The following NOS1 variants were observed in gnomAD, a reference collection of about 807,000 sequenced individuals.
NOS1 encodes NOS type I.
A neutral mutation model predicts 164.5 loss-of-function variants in NOS1; 51 were observed. That is an observed-to-expected ratio of 0.31 (90% confidence interval 0.25 to 0.39). NOS1 has a LOEUF of 0.39. Among genes scored for constraint, NOS1 ranks in the 10% least tolerant of loss-of-function variants. NOS1 has a pLI of 1.00. For synonymous variants in NOS1, 719 were observed against 745.8 expected, an observed-to-expected ratio of 0.96 and a Z score of 0.59; for missense variants, 1,362 against 1,885.6, an observed-to-expected ratio of 0.72 and a Z score of 5.14.
intron 21 of NOS1, among the ~76,000 whole-genome samples, chr12:117,233,808 CAAAAAAAAAAAA>C (rs374050465): frequency 1.8e-5 from 1 of 57,088 alleles, no homozygotes; most frequent in African/African-American, 6.4e-5. Context: ...AAGTCTGTCT[CAAAAAAAAAAAA>C]AAAAAAAAAA....
At chr12:117,261,835 T>C (rs943821854) in intron 13 of NOS1, among the ~76,000 whole-genome samples, 10 of 152,174 alleles carry the variant, frequency 6.6e-5, no homozygotes, top group African/African-American at 2.4e-4. Context: ...ATGCTGCCAC[T>C]GAGACCCTGG....
intron 12 of NOS1, among the ~76,000 whole-genome samples, chr12:117,264,594 T>TTCCC (rs1469882221): frequency 8.0e-6 from 1 of 124,764 alleles, no homozygotes; most frequent in Non-Finnish European, 1.7e-5. Flanking sequence ...TTTTCCTTCC[T>TTCCC]TCCCTCCCTC....
At chr12:117,329,406 A>G (rs561087415) in intron 2 of NOS1, among the ~76,000 whole-genome samples, 4 of 152,182 alleles carry the variant, frequency 2.6e-5, no homozygotes, top group Non-Finnish European at 5.9e-5. Flanking sequence ...TCTTGGGGAA[A>G]GGGTTGGGAA....
At chr12:117,251,166 G>A (rs570780028) in intron 17 of NOS1, among the ~76,000 whole-genome samples, 86 of 152,254 alleles carry the variant, frequency 5.6e-4, no homozygotes, top group African/African-American at 1.4e-3. Context: ...GGAAGGCACC[G>A]TCTATGAGCC....
chr12:117,287,685 C>T lies in NOS1; in HGVS notation c.1127+389G>A, dbSNP rs7137324. ...AATTCTTGGGCTCAAGCAATCTGCCCGCCTCAGTCTCCCAAAGTGCTGGGA... is the reference window on the plus strand; with the variant it reads ...AATTCTTGGGCTCAAGCAATCTGCCTGCCTCAGTCTCCCAAAGTGCTGGGA... On this transcript the variant is annotated intron_variant, in intron 5 of 28. Transcript: ENST00000317775. 3.3e-3 allele frequency among the ~76,000 whole-genome samples: 510 copies of T among 152,288 alleles called. 1 individual carries two copies. Among genetic ancestry groups the T allele is most frequent in the African/African-American group, 0.012 (483 of 41,564 alleles).
At chr12:117,331,995 T>C (rs1875572704) in intron 1 of NOS1, among the ~76,000 whole-genome samples, 1 of 152,210 alleles carries the variant, frequency 6.6e-6, no homozygotes, top group Admixed American at 6.5e-5. Context: ...TGATGACGAA[T>C]GTCAGTTGGC....
intron 20 of NOS1, among the ~76,000 whole-genome samples, 191 bp downstream of exon 20, chr12:117,242,436 C>T (rs1424170898): frequency 6.6e-6 from 1 of 152,120 alleles, no homozygotes. Context: ...CTCCTTTTTC[C>T]ACTCCTTCAG....
chr12:117,250,071 T>C (rs562210287), intron 17 of NOS1, among the ~76,000 whole-genome samples: 2 of 151,966 alleles, frequency 1.3e-5, no homozygotes, highest in South Asian at 2.1e-4. Flanking sequence ...GGGGACAAAA[T>C]GGTAACAGAT....
At chr12:117,248,320 A>G (rs1018997500) in intron 17 of NOS1, among the ~76,000 whole-genome samples, 1 of 151,652 alleles carries the variant, frequency 6.6e-6, no homozygotes, top group Non-Finnish European at 1.5e-5. Context: ...AGCATTAGGT[A>G]TATCTCCCAA....
chr12:117,322,370 C>T (rs1174461043), intron 2 of NOS1, among the ~76,000 whole-genome samples: 1 of 136,596 alleles, frequency 7.3e-6, no homozygotes, highest in African/African-American at 2.7e-5. Flanking sequence ...TCTGTCCCTC[C>T]TCCCCTCCCT....
Position 117,234,853 on chromosome 12 carries a change from C to T in NOS1, c.3042-95G>A. The T allele has an allele frequency of 6.7e-6, 7 of 1,049,140 alleles. No homozygotes were observed. The South Asian group carries it at 1.0e-4, about 15-fold the overall frequency. 65.0% of individuals were successfully genotyped at this position (1,049,140 alleles called of 1,614,324 possible). ...TCTGTCCTTGTTGGCTGCAATTCTCCTCCTTCCATTCTTGTTGGGGCCCGT... is the reference window on the plus strand; with the variant it reads ...TCTGTCCTTGTTGGCTGCAATTCTCTTCCTTCCATTCTTGTTGGGGCCCGT... On this transcript the variant is annotated intron_variant, in intron 20 of 28. Transcript: ENST00000317775. The surrounding 1 kb of genome is among the most constrained non-coding windows in gnomAD (Gnocchi z 4.3).
chr12:117,222,578 G>T, intron 26 of NOS1, 137 bp downstream of exon 26: 1 of 783,512 alleles, frequency 1.3e-6, no homozygotes, highest in Non-Finnish European at 2.1e-6. Context: ...CCCTACCCAT[G>T]CTTTCTGAAG....
intron 28 of NOS1, among the ~76,000 whole-genome samples, chr12:117,217,241 C>G (rs1956625935): frequency 6.6e-6 from 1 of 152,158 alleles, no homozygotes; most frequent in Non-Finnish European, 1.5e-5. Context: ...GGAAAGGACA[C>G]AAAAACTGAG....
chr12:117,242,307 A>T (rs551130565), intron 20 of NOS1, among the ~76,000 whole-genome samples: 7 of 152,336 alleles, frequency 4.6e-5, no homozygotes, highest in African/African-American at 1.4e-4. Context: ...GGACTAAGTG[A>T]TTTCCAGCTA....
intron 20 of NOS1, among the ~76,000 whole-genome samples, chr12:117,241,128 CG>C (rs1392993514): frequency 6.6e-6 from 1 of 151,772 alleles, no homozygotes; most frequent in Non-Finnish European, 1.5e-5. Flanking sequence ...TTAGTACAGA[CG>C]GGGTTTCACC....
intron 11 of NOS1, 141 bp from the exon 12 acceptor site, chr12:117,265,651 C>T (rs9658397): frequency 0.025 from 13,223 of 528,506 alleles, 328 homozygotes; most frequent in African/African-American, 0.091. Context: ...GTGATTCTCT[C>T]TGCATTTCTT....
At chr12:117,283,611 C>T (rs1157527891) in intron 7 of NOS1, among the ~76,000 whole-genome samples, 1 of 152,086 alleles carries the variant, frequency 6.6e-6, no homozygotes, top group Non-Finnish European at 1.5e-5. Context: ...GATCCCAGCA[C>T]TTTGGGAGGC....
At chr12:117,220,436 G>A (rs1412279949) in intron 26 of NOS1, among the ~76,000 whole-genome samples, 167 bp from the exon 27 acceptor site, 1 of 152,242 alleles carries the variant, frequency 6.6e-6, no homozygotes, top group Admixed American at 6.5e-5. Context: ...GAGTGAGATA[G>A]AGAAGGCGGG....
chr12:117,218,980 G>GTT (rs111927283), intron 27 of NOS1, among the ~76,000 whole-genome samples: 67 of 136,786 alleles, frequency 4.9e-4, no homozygotes, highest in South Asian at 7.0e-4. Flanking sequence ...GGGGTTAGTT[G>GTT]TTTTTTTTTT....
Sources: gnomAD v4.1 joint callset for allele counts (sites outside exome capture counted in the v4.1 genomes callset) on GRCh38, gnomAD v4.1.1 for gene constraint, Gnocchi (gnomAD v3.1) non-coding constraint, MANE v1.5 for transcripts, NCBI Gene and HGNC (gene_info 2026-07-23, HGNC 2026-07-21) for gene names.